SEMA3E: variants seen among roughly 807,000 people sequenced by gnomAD.
SEMA3E encodes the protein semaphorin-3E.
Under a neutral mutation model 93.6 loss-of-function variants are expected in SEMA3E, and 49 were observed. That is an observed-to-expected ratio of 0.52 (90% CI 0.42 to 0.66). SEMA3E has a LOEUF of 0.66. Ranked by LOEUF, SEMA3E falls within the 30% of genes least tolerant of loss-of-function variation. The pLI is 0.00. For missense variants in SEMA3E, 906 were observed against 964.8 expected (o/e 0.94, Z 0.81); for synonymous variants, 363 against 330.7 (o/e 1.10, Z -1.06).
intron 4 of SEMA3E, among the ~76,000 whole-genome samples, chr7:83,443,811 TC>T (rs1186521812): frequency 1.3e-5 from 2 of 152,056 alleles, no homozygotes. Flanking sequence ...TTCAGAAGCA[TC>T]TTTTATTGAT....
intron 1 of SEMA3E, among the ~76,000 whole-genome samples, chr7:83,500,042 A>T (rs544065638): frequency 6.6e-6 from 1 of 152,348 alleles, no homozygotes; most frequent in South Asian, 2.1e-4. Context: ...TGAATATTTT[A>T]TAATAAGATG....
At chr7:83,443,808 G>T (rs1789168458) in intron 4 of SEMA3E, among the ~76,000 whole-genome samples, 1 of 151,772 alleles carries the variant, frequency 6.6e-6, no homozygotes, top group African/African-American at 2.4e-5. Context: ...CTATTCAGAA[G>T]CATCTTTTAT....
At chr7:83,446,421 C>T (rs1365037595) in intron 4 of SEMA3E, among the ~76,000 whole-genome samples, 1 of 152,168 alleles carries the variant, frequency 6.6e-6, no homozygotes, top group Non-Finnish European at 1.5e-5. Context: ...GGTGAATACA[C>T]AGATACACAA....
At chr7:83,390,002 TACAC>T (rs1280858304) in intron 14 of SEMA3E, among the ~76,000 whole-genome samples, 2 of 132,292 alleles carry the variant, frequency 1.5e-5, no homozygotes, top group Non-Finnish European at 3.2e-5. Context: ...TGTATACGTA[TACAC>T]ATATATACGC....
rs575346776 is a variant in SEMA3E at position 83,627,646 on chromosome 7, T to G, written c.115+20782A>C. Among the ~76,000 whole-genome samples the G allele has an allele frequency of 3.4e-5, 5 of 147,130 alleles. 1 individual carries two copies. The highest frequency in any genetic ancestry group is 1.2e-4 in the African/African-American group (5 of 40,004). ...ACCCCTGCTTTTTTTTTTTTTTTTT[T>G]TTTTTTGCTTTCCATTTGCTTGGTA... On this transcript the variant is annotated intron_variant, in intron 1 of 16. Transcript: ENST00000643230.
At chr7:83,563,392 A>T (rs1792077196) in intron 1 of SEMA3E, among the ~76,000 whole-genome samples, 1 of 152,140 alleles carries the variant, frequency 6.6e-6, no homozygotes, top group Admixed American at 6.6e-5. Flanking sequence ...TATTGCTTTT[A>T]TTGTTCTGAT....
chr7:83,395,585 G>T (rs938281211), intron 12 of SEMA3E, among the ~76,000 whole-genome samples: 1 of 152,128 alleles, frequency 6.6e-6, no homozygotes, highest in Non-Finnish European at 1.5e-5. Flanking sequence ...GTGTCACTCT[G>T]CCTTCTTGTT....
chr7:83,640,457 A>G (rs1793984767), intron 1 of SEMA3E, among the ~76,000 whole-genome samples: 1 of 152,168 alleles, frequency 6.6e-6, no homozygotes, highest in Non-Finnish European at 1.5e-5. Context: ...CAATTGCCAC[A>G]ATCCCATGTT....
intron 2 of SEMA3E, among the ~76,000 whole-genome samples, chr7:83,486,709 T>C (rs1790264314): frequency 6.6e-6 from 1 of 152,152 alleles, no homozygotes. Flanking sequence ...GTGGGGCTGA[T>C]GTTACATCAG....
intron 5 of SEMA3E, among the ~76,000 whole-genome samples, chr7:83,409,808 C>A (rs1788404284): frequency 6.6e-6 from 1 of 151,394 alleles, no homozygotes; most frequent in Admixed American, 6.6e-5. Context: ...TTATGAAGGA[C>A]TTTTTTCCCA....
intron 2 of SEMA3E, among the ~76,000 whole-genome samples, chr7:83,484,389 A>G (rs73707852): frequency 0.038 from 5,690 of 149,046 alleles, 126 homozygotes; most frequent in African/African-American, 0.066. Flanking sequence ...TTAATTGAAT[A>G]TGTTTTCACC....
chr7:83,431,271 G>A (rs1470800742), intron 4 of SEMA3E, among the ~76,000 whole-genome samples: 1 of 151,414 alleles, frequency 6.6e-6, no homozygotes, highest in Non-Finnish European at 1.5e-5. Context: ...GTTTTGAGAA[G>A]GAATGTCTCT....
chr7:83,394,794 G>A (rs1257498239), intron 12 of SEMA3E, among the ~76,000 whole-genome samples: 1 of 152,150 alleles, frequency 6.6e-6, no homozygotes, highest in African/African-American at 2.4e-5. Context: ...TTCTGTTGGA[G>A]TGATCATGGT....
At chr7:83,615,851 A>G (rs905321092) in intron 1 of SEMA3E, among the ~76,000 whole-genome samples, 1 of 152,140 alleles carries the variant, frequency 6.6e-6, no homozygotes, top group African/African-American at 2.4e-5. Context: ...AACACAAGCC[A>G]AAGCGAAATA....
chr7:83,411,270 T>C (rs1788434419), intron 5 of SEMA3E, among the ~76,000 whole-genome samples: 1 of 152,118 alleles, frequency 6.6e-6, no homozygotes, highest in Non-Finnish European at 1.5e-5. Context: ...TGTTACCCAG[T>C]TTCCCATTTT....
intron 1 of SEMA3E, among the ~76,000 whole-genome samples, chr7:83,630,435 T>C (rs1172375929): frequency 6.6e-6 from 1 of 152,150 alleles, no homozygotes; most frequent in Non-Finnish European, 1.5e-5. Context: ...AATATTATAT[T>C]CAGATGTACT....
intron 1 of SEMA3E, among the ~76,000 whole-genome samples, chr7:83,593,282 CTCTGTGTGTGTGTGTGTG>C (rs1450204429): frequency 9.3e-6 from 1 of 107,402 alleles, no homozygotes; most frequent in African/African-American, 4.6e-5. Flanking sequence ...CTCTCTCTCT[CTCTGTGTGTGTGTGTGTG>C]TGTGTGTGTG....
At chr7:83,419,438 A>T (rs2713144) in intron 4 of SEMA3E, among the ~76,000 whole-genome samples, 81,073 of 152,032 alleles carry the variant, frequency 0.53, 23,453 homozygotes, top group East Asian at 0.84. Context: ...TTCCTTTGGA[A>T]ATTTACCCAG....
At chr7:83,646,537 A>T (rs1035909894) in intron 1 of SEMA3E, among the ~76,000 whole-genome samples, 3 of 152,092 alleles carry the variant, frequency 2.0e-5, no homozygotes, top group African/African-American at 7.2e-5. Context: ...GTATAAAAAC[A>T]TCATATTGTG....
Sources: gnomAD v4.1 joint callset for allele counts (sites outside exome capture counted in the v4.1 genomes callset) on GRCh38, gnomAD v4.1.1 for gene constraint, MANE v1.5 for transcripts, NCBI Gene and HGNC (gene_info 2026-07-23, HGNC 2026-07-21) for gene names.